SUMF1: variants seen among roughly 807,000 people sequenced by gnomAD.
SUMF1 encodes formylglycine-generating enzyme.
In SUMF1, 48 loss-of-function variants were observed where a neutral mutation model predicts 47.6. That is an observed-to-expected ratio of 1.01 (90% CI 0.80 to 1.28). The LOEUF is 1.28. SUMF1 is among the 50% of genes most tolerant of loss of function. SUMF1 has a pLI of 0.00. For synonymous variants in SUMF1, 230 were observed against 192.1 expected, an observed-to-expected ratio of 1.20 and a Z score of -1.63; for missense variants, 571 against 485.4, an observed-to-expected ratio of 1.18 and a Z score of -1.66.
At chr3:4,187,346 G>T (rs377526815) in intron 8 of SUMF1, among the ~76,000 whole-genome samples, 6 of 152,220 alleles carry the variant, frequency 3.9e-5, no homozygotes, top group African/African-American at 1.4e-4. Context: ...CCCAGCCTGG[G>T]AGACAGAGTG....
At chr3:4,115,337 G>T (rs1013352189) in intron 8 of SUMF1, among the ~76,000 whole-genome samples, 2 of 152,048 alleles carry the variant, frequency 1.3e-5, no homozygotes, top group Non-Finnish European at 2.9e-5. Context: ...CCAAGCCCGC[G>T]TGTGATCCGA....
rs529383571 is a variant in SUMF1 at position 4,078,620 on chromosome 3, TG to T, written c.1015-9876del. ...TTTAATCCATGTAACAGGCCCAGTG[TG>T]GTAGCTCCCACCTATAATCCCAGCA... is the stretch of plus-strand genomic sequence containing the variant. On this transcript the variant is annotated intron_variant and NMD_transcript_variant, in intron 8 of 12. Coordinates refer to the SUMF1 transcript ENST00000448413. 1.0e-3 allele frequency among the ~76,000 whole-genome samples: 157 copies of T among 152,076 alleles called. 4 individuals are homozygous for T. Among genetic ancestry groups the T allele is most frequent in the African/African-American group, 3.7e-3 (152 of 41,472 alleles).
intron 8 of SUMF1, among the ~76,000 whole-genome samples, chr3:4,155,172 G>T (rs1175726161): frequency 6.6e-6 from 1 of 151,450 alleles, no homozygotes; most frequent in African/African-American, 2.5e-5. Context: ...ATGGAGGGCT[G>T]ACTTTCTCAC....
intron 7 of SUMF1, among the ~76,000 whole-genome samples, chr3:4,389,270 A>T (rs1700774031): frequency 6.6e-6 from 1 of 152,086 alleles, no homozygotes; most frequent in African/African-American, 2.4e-5. Context: ...CACTTAAAAA[A>T]CATCATGCCA....
chr3:4,189,276 C>T (rs1215902489), intron 8 of SUMF1, among the ~76,000 whole-genome samples: 1 of 152,132 alleles, frequency 6.6e-6, no homozygotes, highest in Non-Finnish European at 1.5e-5. Flanking sequence ...TACCAGCAGA[C>T]TTCTGCATTT....
At chr3:4,392,229 T>A (rs899720772) in intron 7 of SUMF1, among the ~76,000 whole-genome samples, 3 of 152,228 alleles carry the variant, frequency 2.0e-5, no homozygotes, top group East Asian at 1.9e-4. Flanking sequence ...TTTCAGTTAG[T>A]AGTATACTTT....
At chr3:4,437,340 C>T (rs1311105983) in intron 3 of SUMF1, among the ~76,000 whole-genome samples, 2 of 151,966 alleles carry the variant, frequency 1.3e-5, no homozygotes, top group East Asian at 1.9e-4. Context: ...AAACTTTATA[C>T]TCAAGTATTA....
intron 8 of SUMF1, among the ~76,000 whole-genome samples, chr3:4,131,542 T>G (rs557056182): frequency 6.6e-6 from 1 of 152,248 alleles, no homozygotes; most frequent in East Asian, 1.9e-4. Flanking sequence ...CTTCGAGCAG[T>G]GCACCTGGTT....
chr3:4,313,283 G>T, intron 8 of SUMF1: 1 of 1,613,668 alleles, frequency 6.2e-7, no homozygotes, highest in Admixed American at 1.7e-5. Flanking sequence ...GTTCAGAGAA[G>T]AATTCACTTA....
At chr3:4,175,012 G>A (rs989383373) in intron 8 of SUMF1, among the ~76,000 whole-genome samples, 1 of 152,164 alleles carries the variant, frequency 6.6e-6, no homozygotes, top group African/African-American at 2.4e-5. Context: ...AGCTTCAGTA[G>A]GTAAACAAAG....
chr3:4,340,296 C>G (rs1699244609), intron 8 of SUMF1, among the ~76,000 whole-genome samples: 1 of 152,184 alleles, frequency 6.6e-6, no homozygotes, highest in African/African-American at 2.4e-5. Context: ...CACAAAGCCT[C>G]AACCCACATA....
At chr3:4,252,104 C>T (rs547966566) in intron 8 of SUMF1, among the ~76,000 whole-genome samples, 1 of 152,110 alleles carries the variant, frequency 6.6e-6, no homozygotes, top group Non-Finnish European at 1.5e-5. Flanking sequence ...GGTCCTCACC[C>T]CACTGACCTA....
At position 4,316,084 on chromosome 3, in the gene SUMF1, T is replaced by C. The variant is rs1161628995; in HGVS notation, c.1014+60246A>G. The C allele has an allele frequency of 4.2e-5, 22 of 529,040 alleles. 1 individual carries two copies. In the Middle Eastern group the frequency reaches 1.5e-3, roughly 37 times the overall value. 32.8% of individuals were successfully genotyped at this position (529,040 alleles called of 1,614,324 possible). A position where few individuals can be genotyped will look rare whatever the true frequency, so the allele number is the denominator to read the frequency against. On this transcript the variant is annotated intron_variant and NMD_transcript_variant, in intron 8 of 12. Transcript: ENST00000448413. The stretch of plus-strand genomic sequence containing the variant: ...AAAAAAAAAAGTAACAGTTTTTGCA[T>C]TGTTGGAATTTGGTATTTGATATTG...
intron 8 of SUMF1, among the ~76,000 whole-genome samples, chr3:4,210,414 G>T (rs1338150750): frequency 6.6e-6 from 1 of 152,014 alleles, no homozygotes; most frequent in Non-Finnish European, 1.5e-5. Flanking sequence ...AATAACTAAG[G>T]CAATGTGGTA....
At chr3:4,127,023 A>C (rs1431404038) in intron 8 of SUMF1, among the ~76,000 whole-genome samples, 1 of 152,208 alleles carries the variant, frequency 6.6e-6, no homozygotes, top group Non-Finnish European at 1.5e-5. Context: ...ATTGCTTCCA[A>C]GGATTCCAGA....
chr3:4,387,859 T>G (rs1700724487), intron 7 of SUMF1, among the ~76,000 whole-genome samples: 1 of 152,082 alleles, frequency 6.6e-6, no homozygotes, highest in Non-Finnish European at 1.5e-5. Flanking sequence ...TTTCATAGTT[T>G]CCATGTGTTT....
At chr3:4,076,480 C>G (rs750388253) in intron 8 of SUMF1, among the ~76,000 whole-genome samples, 25 of 151,990 alleles carry the variant, frequency 1.6e-4, no homozygotes, top group Non-Finnish European at 3.4e-4. Flanking sequence ...CAACAAAAGC[C>G]AAAATAGACA....
downstream of SUMF1, among the ~76,000 whole-genome samples, chr3:4,356,249 G>A (rs951229691): frequency 7.2e-5 from 11 of 152,166 alleles, no homozygotes; most frequent in African/African-American, 2.7e-4. Context: ...TTTGTATCCA[G>A]AGAATTAAGT....
intron 8 of SUMF1, among the ~76,000 whole-genome samples, chr3:4,293,385 T>G (rs1204696183): frequency 6.6e-6 from 1 of 152,168 alleles, no homozygotes; most frequent in Admixed American, 6.5e-5. Flanking sequence ...GAGCCACCTA[T>G]TTTGCCTCTC....
Sources: allele counts gnomAD v4.1 joint callset (sites outside exome capture counted in the v4.1 genomes callset), GRCh38; gene constraint gnomAD v4.1.1; transcripts MANE v1.5; gene names NCBI Gene and HGNC (gene_info 2026-07-23, HGNC 2026-07-21).